ASTN1: variants seen among roughly 807,000 people sequenced by gnomAD.
ASTN1 encodes the protein astrotactin 1.
In ASTN1, 41 loss-of-function variants were observed where a neutral mutation model predicts 140.7. The observed-to-expected ratio is 0.29, with a 90% confidence interval of 0.23 to 0.38. The LOEUF is 0.38. ASTN1 is among the 10% of genes least tolerant of loss of function. ASTN1 has a pLI of 1.00. For synonymous variants in ASTN1, 640 were observed against 652.2 expected (o/e 0.98, Z 0.29); for missense variants, 1,479 against 1,678.8 (o/e 0.88, Z 2.08).
chr1:176,957,709 G>A lies in ASTN1; in HGVS notation c.1856C>T (p.Ser619Leu), dbSNP rs1490219748. The change falls in exon 11 of 23, where the codon TCA becomes TTA. Residue 619 changes from serine (S) to leucine (L), a missense_variant. By Grantham distance (145) the Ser-to-Leu change is moderately radical. Transcript: ENST00000361833. Reference protein sequence around the residue: ...GGCSKNFRCISDRKLDSTGCV... With the variant: ...GGCSKNFRCILDRKLDSTGCV... ...ACCAGTGGAGTCCAGCTTGCGATCT[G>A]AAATACAGCGGAAATTCTTACTGCA... 1 of 1,614,048 alleles carries A rather than the reference G, an allele frequency of 6.2e-7. No homozygotes were observed. The highest frequency in any genetic ancestry group is 1.7e-5 in the Admixed American group (1 of 60,020).
At chr1:176,894,880 A>T (rs1222899495) in intron 16 of ASTN1, 50 bp from the exon 17 acceptor site, 2 of 1,604,232 alleles carry the variant, frequency 1.2e-6, no homozygotes, top group East Asian at 2.2e-5. Flanking sequence ...AAAAGTAAGG[A>T]CTATCATGAC....
chr1:176,894,036 T>A (rs1257800976), intron 17 of ASTN1, among the ~76,000 whole-genome samples: 4 of 152,220 alleles, frequency 2.6e-5, no homozygotes, highest in African/African-American at 9.6e-5. Flanking sequence ...TGTGGCGTTT[T>A]GTTCTTAGAG....
At chr1:177,051,353 C>T (rs529814746) in intron 2 of ASTN1, among the ~76,000 whole-genome samples, 27 of 152,330 alleles carry the variant, frequency 1.8e-4, no homozygotes, top group African/African-American at 6.3e-4. Context: ...CCAAATGTGG[C>T]CCACTGCCTG....
At chr1:177,021,311 G>A (rs1486357333) in intron 7 of ASTN1, among the ~76,000 whole-genome samples, 1 of 152,204 alleles carries the variant, frequency 6.6e-6, no homozygotes, top group South Asian at 2.1e-4. Flanking sequence ...TATTAGCAGG[G>A]GAGGGGCTTC....
chr1:177,129,256 T>G (rs950162292), intron 1 of ASTN1, among the ~76,000 whole-genome samples: 2 of 152,194 alleles, frequency 1.3e-5, no homozygotes, highest in African/African-American at 4.8e-5. Context: ...TAGAACAAGT[T>G]GGCATGAATT....
At chr1:177,113,513 C>T (rs962824849) in intron 1 of ASTN1, among the ~76,000 whole-genome samples, 4 of 152,250 alleles carry the variant, frequency 2.6e-5, no homozygotes, top group African/African-American at 9.6e-5. Flanking sequence ...TCTTCCACTA[C>T]CACCTTGTTT....
chr1:176,981,227 A>G (rs1218717386), intron 8 of ASTN1, among the ~76,000 whole-genome samples: 1 of 149,084 alleles, frequency 6.7e-6, no homozygotes, highest in Non-Finnish European at 1.5e-5. Flanking sequence ...AAAAAAAAAA[A>G]AAAAAAAAAA....
chr1:177,143,077 A>G (rs890840541), intron 1 of ASTN1, among the ~76,000 whole-genome samples: 3 of 152,178 alleles, frequency 2.0e-5, no homozygotes, highest in Non-Finnish European at 4.4e-5. Flanking sequence ...CTCAACCCCT[A>G]AAGAGCTACC....
intron 1 of ASTN1, among the ~76,000 whole-genome samples, chr1:177,129,904 T>C (rs1210831278): frequency 1.3e-5 from 2 of 151,998 alleles, no homozygotes; most frequent in South Asian, 2.1e-4. Context: ...GAGGTGGAGG[T>C]TGTGGTGAGC....
At chr1:177,026,538 G>T (rs1244961500) in intron 5 of ASTN1, among the ~76,000 whole-genome samples, 1 of 152,108 alleles carries the variant, frequency 6.6e-6, no homozygotes, top group Non-Finnish European at 1.5e-5. Context: ...CAGTGGGATT[G>T]CTGGGTCATA....
intron 1 of ASTN1, among the ~76,000 whole-genome samples, chr1:177,136,325 C>G (rs1012793706): frequency 6.6e-6 from 1 of 150,968 alleles, no homozygotes; most frequent in African/African-American, 2.4e-5. Context: ...AATATCGTAA[C>G]TGTGTTTTTT....
chr1:177,024,798 T>C (rs1247379535), intron 5 of ASTN1, 66 bp from the exon 6 acceptor site: 1 of 1,543,716 alleles, frequency 6.5e-7, no homozygotes, highest in Non-Finnish European at 8.9e-7. Flanking sequence ...CCAACTTGGC[T>C]TTTTGCCAAT....
intron 1 of ASTN1, among the ~76,000 whole-genome samples, chr1:177,074,590 T>C (rs897433329): frequency 6.6e-6 from 1 of 152,200 alleles, no homozygotes; most frequent in African/African-American, 2.4e-5. Flanking sequence ...TCTCATCTGT[T>C]GTCATCAACT....
At chr1:176,944,100 G>A (rs1041450183) in intron 13 of ASTN1, 82 bp from the exon 14 acceptor site, 37 of 1,510,588 alleles carry the variant, frequency 2.4e-5, no homozygotes, top group Admixed American at 9.2e-5. Flanking sequence ...TTTTTGAGAC[G>A]GAGTTTCACT....
chr1:177,067,249 C>G (rs1678407579), intron 1 of ASTN1, among the ~76,000 whole-genome samples: 1 of 151,988 alleles, frequency 6.6e-6, no homozygotes, highest in Non-Finnish European at 1.5e-5. Flanking sequence ...GAAAGAAATA[C>G]AATGGAAAGG....
intron 2 of ASTN1, among the ~76,000 whole-genome samples, chr1:177,052,028 TATC>T (rs1158670869): frequency 2.6e-5 from 4 of 152,084 alleles, no homozygotes; most frequent in Non-Finnish European, 5.9e-5. Context: ...AGACCTCAAT[TATC>T]ATCCTAAATC....
intron 1 of ASTN1, among the ~76,000 whole-genome samples, chr1:177,148,413 G>A (rs1239499650): frequency 7.6e-5 from 11 of 144,086 alleles, no homozygotes; most frequent in East Asian, 6.0e-4. Flanking sequence ...GCAAGACTCC[G>A]TCTCAAAAAA....
intron 1 of ASTN1, among the ~76,000 whole-genome samples, chr1:177,148,287 G>A (rs1006645669): frequency 3.9e-5 from 6 of 151,934 alleles, no homozygotes; most frequent in African/African-American, 9.7e-5. Flanking sequence ...GCGTGGTGGC[G>A]GGCACCTGTA....
At chr1:177,127,784 G>C (rs1346004054) in intron 1 of ASTN1, among the ~76,000 whole-genome samples, 1 of 152,230 alleles carries the variant, frequency 6.6e-6, no homozygotes, top group Non-Finnish European at 1.5e-5. Flanking sequence ...ACTGTTGGAT[G>C]GATGGCATCG....
Sources: allele counts gnomAD v4.1 joint callset (sites outside exome capture counted in the v4.1 genomes callset), GRCh38; gene constraint gnomAD v4.1.1; transcripts MANE v1.5; gene names NCBI Gene and HGNC (gene_info 2026-07-23, HGNC 2026-07-21).